PTPRD: variants seen among roughly 807,000 people sequenced by gnomAD.
PTPRD encodes the protein receptor-type tyrosine-protein phosphatase delta.
A neutral mutation model predicts 214.5 loss-of-function variants in PTPRD; 34 were observed. The ratio of observed to expected loss-of-function variants is 0.16; its 90% CI spans 0.12 to 0.21. The LOEUF is 0.21. Among genes scored for constraint, PTPRD ranks in the 10% least tolerant of loss-of-function variants. PTPRD has a pLI of 1.00. For missense variants in PTPRD, 2,545 were observed against 2,398.7 expected (o/e 1.06, Z -1.27); for synonymous variants, 1,128 against 845.7 (o/e 1.33, Z -5.79).
At chr9:10,126,604 A>C (rs2098821785) in intron 3 of PTPRD, among the ~76,000 whole-genome samples, 1 of 152,132 alleles carries the variant, frequency 6.6e-6, no homozygotes, top group Non-Finnish European at 1.5e-5. Flanking sequence ...TCCCCTTTAC[A>C]GGTTTCTCAT....
At chr9:8,339,391 C>G (rs1006108451) in intron 42 of PTPRD, among the ~76,000 whole-genome samples, 1 of 152,118 alleles carries the variant, frequency 6.6e-6, no homozygotes, top group African/African-American at 2.4e-5. Flanking sequence ...TTGGACAATG[C>G]TGGCCATGAC....
intron 3 of PTPRD, among the ~76,000 whole-genome samples, chr9:10,254,386 A>G (rs1435081228): frequency 6.6e-6 from 1 of 152,182 alleles, no homozygotes; most frequent in African/African-American, 2.4e-5. Flanking sequence ...TTTGTTTAAT[A>G]TTTGGGCCAA....
chr9:9,953,017 G>C (rs1299348365), intron 4 of PTPRD, among the ~76,000 whole-genome samples: 1 of 152,134 alleles, frequency 6.6e-6, no homozygotes, highest in African/African-American at 2.4e-5. Context: ...ATGCAAGAAT[G>C]AATTTTAGGA....
chr9:9,536,158 T>C (rs535883413), intron 8 of PTPRD, among the ~76,000 whole-genome samples: 8 of 152,076 alleles, frequency 5.3e-5, no homozygotes, highest in African/African-American at 1.7e-4. Flanking sequence ...TAAGATTCTA[T>C]GCATACTATT....
rs77883018 is a variant in PTPRD, at chr9:8,603,955, C to T, written c.352+29362G>A. 3.8e-3 allele frequency among the ~76,000 whole-genome samples: 576 copies of T among 152,266 alleles called. 10 individuals are homozygous for T. The highest frequency in any genetic ancestry group is 0.013 in the African/African-American group (560 of 41,556). Reference sequence around the variant, plus strand: ...AATGTGTTTCCTATCAACCATGCCTCAAAGTTTCTCCTACCTGTCCTGGAA... The same window carrying T: ...AATGTGTTTCCTATCAACCATGCCTTAAAGTTTCTCCTACCTGTCCTGGAA... On this transcript the variant is annotated intron_variant, in intron 14 of 45. Coordinates refer to ENST00000381196, the MANE Select transcript of PTPRD (RefSeq NM_002839.4).
At chr9:10,523,431 C>T (rs1346297855) in intron 2 of PTPRD, among the ~76,000 whole-genome samples, 2 of 151,416 alleles carry the variant, frequency 1.3e-5, no homozygotes, top group Non-Finnish European at 2.9e-5. Flanking sequence ...CCTACTGTTC[C>T]CACTTCAGTC....
intron 2 of PTPRD, among the ~76,000 whole-genome samples, chr9:10,422,682 C>T (rs1389191146): frequency 6.6e-6 from 1 of 152,060 alleles, no homozygotes; most frequent in Non-Finnish European, 1.5e-5. Flanking sequence ...GACATTTATG[C>T]TGCCAACAGA....
intron 10 of PTPRD, among the ~76,000 whole-genome samples, chr9:9,155,274 C>A (rs144542385): frequency 9.9e-5 from 15 of 152,188 alleles, no homozygotes; most frequent in African/African-American, 3.6e-4. Flanking sequence ...GTTCCTGTCA[C>A]AGATTGTCTT....
At chr9:10,413,221 AC>A (rs1221268597) in intron 2 of PTPRD, among the ~76,000 whole-genome samples, 2 of 151,920 alleles carry the variant, frequency 1.3e-5, no homozygotes, top group Non-Finnish European at 2.9e-5. Context: ...CACAGTCTCA[AC>A]CCAAAAGCTC....
At chr9:8,633,754 A>G (rs991422915) in intron 13 of PTPRD, among the ~76,000 whole-genome samples, 3 of 151,964 alleles carry the variant, frequency 2.0e-5, no homozygotes, top group African/African-American at 7.3e-5. Context: ...GGGCAATTTG[A>G]CTCTATTAAT....
chr9:10,600,713 T>C (rs1276380011), intron 2 of PTPRD, among the ~76,000 whole-genome samples: 1 of 151,742 alleles, frequency 6.6e-6, no homozygotes, highest in Non-Finnish European at 1.5e-5. Context: ...TGCAGAATAA[T>C]ATAGTAGGTG....
intron 21 of PTPRD, among the ~76,000 whole-genome samples, chr9:8,508,899 G>C (rs867898207): frequency 0.018 from 2,634 of 148,298 alleles, 70 homozygotes; most frequent in African/African-American, 0.06. Flanking sequence ...GTCTGTGTGT[G>C]TGTGTGTGTG....
At chr9:10,403,835 G>C (rs917445318) in intron 2 of PTPRD, among the ~76,000 whole-genome samples, 1 of 151,676 alleles carries the variant, frequency 6.6e-6, no homozygotes, top group African/African-American at 2.4e-5. Flanking sequence ...GGTTCTCAGT[G>C]ATTAGGACAA....
chr9:10,060,952 C>T (rs2097768264), intron 3 of PTPRD, among the ~76,000 whole-genome samples: 1 of 125,158 alleles, frequency 8.0e-6, no homozygotes, highest in East Asian at 2.3e-4. Context: ...TTCTTTCTTT[C>T]TCTCTCTTCC....
At chr9:9,478,986 T>A (rs989769892) in intron 8 of PTPRD, among the ~76,000 whole-genome samples, 3 of 152,136 alleles carry the variant, frequency 2.0e-5, no homozygotes, top group East Asian at 3.9e-4. Flanking sequence ...TCATAACACA[T>A]AATACACAGG....
At chr9:8,889,839 T>C (rs1265504369) in intron 11 of PTPRD, among the ~76,000 whole-genome samples, 2 of 152,190 alleles carry the variant, frequency 1.3e-5, no homozygotes, top group African/African-American at 2.4e-5. Context: ...ATATACCACA[T>C]TTTCTTTATC....
At chr9:9,860,606 G>A (rs2062520797) in intron 5 of PTPRD, among the ~76,000 whole-genome samples, 1 of 152,172 alleles carries the variant, frequency 6.6e-6, no homozygotes, top group Non-Finnish European at 1.5e-5. Context: ...AGTCTCTGAT[G>A]ATGACAAATA....
chr9:10,104,373 T>C (rs895443135), intron 3 of PTPRD, among the ~76,000 whole-genome samples: 4 of 151,770 alleles, frequency 2.6e-5, no homozygotes, highest in Non-Finnish European at 4.4e-5. Context: ...AATGGCTTGA[T>C]GAATTCTTTA....
chr9:8,686,648 C>A (rs1287529994), intron 12 of PTPRD, among the ~76,000 whole-genome samples: 1 of 152,100 alleles, frequency 6.6e-6, no homozygotes, highest in Non-Finnish European at 1.5e-5. Context: ...AGGATCGGAA[C>A]CAGAGTTATT....
Sources: gnomAD v4.1 joint callset for allele counts (sites outside exome capture counted in the v4.1 genomes callset) on GRCh38, gnomAD v4.1.1 for gene constraint, MANE v1.5 for transcripts, NCBI Gene and HGNC (gene_info 2026-07-23, HGNC 2026-07-21) for gene names.